RANBP2: variants seen among roughly 807,000 people sequenced by gnomAD.
The protein encoded by RANBP2 is E3 SUMO-protein ligase RanBP2.
A neutral mutation model predicts 303.6 loss-of-function variants in RANBP2; 57 were observed. The observed-to-expected ratio is 0.19, with a 90% CI of 0.15 to 0.23. The LOEUF (loss-of-function observed/expected upper bound fraction) is 0.23, where lower values mean the gene tolerates loss of function less well. Ranked by LOEUF, RANBP2 falls within the 10% of genes least tolerant of loss-of-function variation. RANBP2 has a pLI of 1.00. For synonymous variants in RANBP2, 1,167 were observed against 1,301.5 expected (o/e 0.90, Z 2.23); for missense variants, 3,138 against 3,780.8 (o/e 0.83, Z 4.46).
At chr2:109,060,369 T>C in the RANBP2 span, among the ~76,000 whole-genome samples, 1 of 152,246 alleles carries the variant, frequency 6.6e-6, no homozygotes, top group South Asian at 2.1e-4. Flanking sequence ...ACATGTTGCA[T>C]GAATGTGCCT....
At chr2:109,399,113 A>T in the RANBP2 span, among the ~76,000 whole-genome samples, 1 of 151,976 alleles carries the variant, frequency 6.6e-6, no homozygotes, top group African/African-American at 2.4e-5. Context: ...CCCCCCTAGA[A>T]GCGTGGAGAA....
intron 7 of RANBP2, among the ~76,000 whole-genome samples, chr2:108,742,227 C>A (rs931422240): frequency 6.6e-6 from 1 of 151,954 alleles, no homozygotes; most frequent in African/African-American, 2.4e-5. Context: ...AACTCCTGAC[C>A]TCAGGTGATC....
the RANBP2 span, among the ~76,000 whole-genome samples, chr2:108,803,476 T>A: frequency 6.6e-6 from 1 of 152,338 alleles, no homozygotes; most frequent in Non-Finnish European, 1.5e-5. Context: ...AGAGTCTTGC[T>A]GTGTTGCCCA....
chr2:108,787,135 G>T (rs1678982088), downstream of RANBP2, among the ~76,000 whole-genome samples: 1 of 152,214 alleles, frequency 6.6e-6, no homozygotes, highest in African/African-American at 2.4e-5. Flanking sequence ...CTGTGTTCCT[G>T]GTATACTGGG....
chr2:108,772,741 C>T (rs1173820775), intron 22 of RANBP2, 127 bp from the exon 23 acceptor site: 1 of 1,224,704 alleles, frequency 8.2e-7, no homozygotes, highest in Admixed American at 2.4e-5. Flanking sequence ...TCTGGGTGGT[C>T]CTTGTTTTTC....
chr2:109,452,887 C>CCCAGGAGGCTGGTCCCGGGAGGCTGGTG, the RANBP2 span, among the ~76,000 whole-genome samples: 2 of 144,034 alleles, frequency 1.4e-5, no homozygotes, highest in African/African-American at 5.4e-5. Flanking sequence ...GGAGGCTGGT[C>CCCAGGAGGCTGGTCCCGGGAGGCTGGTG]CCAGGAGGCT....
At chr2:109,490,165 G>T in the RANBP2 span, among the ~76,000 whole-genome samples, 31 of 152,314 alleles carry the variant, frequency 2.0e-4, no homozygotes, top group African/African-American at 7.5e-4. Flanking sequence ...CAACTGAGAT[G>T]CCATCTGCTG....
At chr2:109,030,379 G>A in the RANBP2 span, among the ~76,000 whole-genome samples, 706 of 152,320 alleles carry the variant, frequency 4.6e-3, 10 homozygotes, top group African/African-American at 0.016. Flanking sequence ...CGTAAGTAAA[G>A]CCCATTGTTA....
At chr2:109,576,395 G>A in the RANBP2 span, among the ~76,000 whole-genome samples, 5 of 151,594 alleles carry the variant, frequency 3.3e-5, no homozygotes, top group African/African-American at 7.3e-5. Flanking sequence ...CACCACACCC[G>A]GCCTCAAAAA....
At chr2:109,366,279 T>C in the RANBP2 span, among the ~76,000 whole-genome samples, 79 of 152,306 alleles carry the variant, frequency 5.2e-4, no homozygotes, top group African/African-American at 1.9e-3. Context: ...CTTTTTTCGT[T>C]TAAAAATAAC....
At chr2:109,580,442 T>C in the RANBP2 span, among the ~76,000 whole-genome samples, 7 of 150,576 alleles carry the variant, frequency 4.6e-5, no homozygotes, top group South Asian at 1.5e-3. Context: ...CTTTATTTTA[T>C]CTAAAACAAA....
chr2:109,225,424 A>G, the RANBP2 span, among the ~76,000 whole-genome samples: 1 of 152,200 alleles, frequency 6.6e-6, no homozygotes, highest in Middle Eastern at 3.2e-3. Flanking sequence ...CAGGTTTCAC[A>G]ACGATTCTCA....
the RANBP2 span, among the ~76,000 whole-genome samples, chr2:109,519,068 G>A: frequency 1.3e-5 from 2 of 151,820 alleles, no homozygotes; most frequent in East Asian, 1.9e-4. Context: ...ACAGGTGCCC[G>A]CCACCATGCC....
chr2:108,723,283 C>CT (rs796995748), intron 1 of RANBP2, among the ~76,000 whole-genome samples: 7,946 of 141,950 alleles, frequency 0.056, 418 homozygotes, highest in African/African-American at 0.13. Flanking sequence ...ATTTTCTTTT[C>CT]TTTTTTTTTT....
At chr2:108,847,070 AAG>A in the RANBP2 span, 1 of 604,676 alleles carries the variant, frequency 1.7e-6, no homozygotes, top group Non-Finnish European at 2.9e-6. Flanking sequence ...ACATTATAAA[AAG>A]CTACTTTTAT....
chr2:109,682,239 C>G, the RANBP2 span, among the ~76,000 whole-genome samples: 1 of 152,148 alleles, frequency 6.6e-6, no homozygotes, highest in Non-Finnish European at 1.5e-5. Flanking sequence ...AGTAAAGTTG[C>G]TGGATAGAAA....
At chr2:109,469,190 G>T in the RANBP2 span, among the ~76,000 whole-genome samples, 1 of 152,190 alleles carries the variant, frequency 6.6e-6, no homozygotes, top group Non-Finnish European at 1.5e-5. Context: ...CTTACACAGC[G>T]TATTTCTTCT....
the RANBP2 span, among the ~76,000 whole-genome samples, chr2:109,690,396 C>G: frequency 6.6e-6 from 1 of 152,192 alleles, no homozygotes; most frequent in African/African-American, 2.4e-5. Flanking sequence ...TTCTGATTAG[C>G]CTTTCCAAAG....
the RANBP2 span, chr2:109,614,847 G>A: frequency 1.4e-6 from 2 of 1,402,978 alleles, no homozygotes; most frequent in East Asian, 3.1e-5. Context: ...TCGGCTCCCC[G>A]ACGCGGCGGC....
Sources: gnomAD v4.1 joint callset for allele counts (sites outside exome capture counted in the v4.1 genomes callset) on GRCh38, gnomAD v4.1.1 for gene constraint, MANE v1.5 for transcripts, NCBI Gene and HGNC (gene_info 2026-07-23, HGNC 2026-07-21) for gene names.